Variants in JAKMIP2 observed in about 807,000 individuals in gnomAD.
The protein encoded by JAKMIP2 is janus kinase and microtubule interacting protein 2, also known as janus kinase and microtubule-interacting protein 2.
JAKMIP2 carries 25 observed loss-of-function variants against 115.0 expected under a neutral mutation model. The ratio of observed to expected loss-of-function variants is 0.22; its 90% CI spans 0.16 to 0.30. The LOEUF (loss-of-function observed/expected upper bound fraction) is 0.30. Among genes scored for constraint, JAKMIP2 ranks in the 10% least tolerant of loss-of-function variants. JAKMIP2 has a pLI of 1.00. For synonymous variants in JAKMIP2, 334 were observed against 343.6 expected, an observed-to-expected ratio of 0.97 and a Z score of 0.31; for missense variants, 642 against 957.6, an observed-to-expected ratio of 0.67 and a Z score of 4.35.
intron 1 of JAKMIP2, among the ~76,000 whole-genome samples, chr5:147,672,700 A>G (rs1759684773): frequency 6.6e-6 from 1 of 152,230 alleles, no homozygotes; most frequent in African/African-American, 2.4e-5. Context: ...TGGGTTGAAT[A>G]AGAAAGGCTC....
At chr5:147,632,893 A>G (rs969202352) in intron 12 of JAKMIP2, 115 bp from the exon 13 acceptor site, 1 of 636,244 alleles carries the variant, frequency 1.6e-6, no homozygotes, top group Non-Finnish European at 2.8e-6. Context: ...CATGAAAAAA[A>G]ATCCCCAAAT....
intron 1 of JAKMIP2, among the ~76,000 whole-genome samples, chr5:147,696,308 G>A (rs955782905): frequency 1.3e-5 from 2 of 152,102 alleles, no homozygotes; most frequent in African/African-American, 4.8e-5. Flanking sequence ...ATTGGATCAT[G>A]GGACAGTTTC....
chr5:147,722,060 A>G (rs1201125091), intron 1 of JAKMIP2, among the ~76,000 whole-genome samples: 2 of 152,148 alleles, frequency 1.3e-5, no homozygotes, highest in Non-Finnish European at 2.9e-5. Flanking sequence ...TTCATAAATA[A>G]TTTACAATAC....
rs892505021 is a variant in JAKMIP2, at chr5:147,754,725, A to G, written c.-149+27731T>C. On this transcript the variant is annotated intron_variant, in intron 1 of 21. Coordinates refer to ENST00000616793, the MANE Select transcript of JAKMIP2 (RefSeq NM_001270941.2). The stretch of plus-strand genomic sequence containing the variant: ...TTTTCAGTCTCCACTTTTCATATTA[A>G]GAAAGTGAGGCCCAGAAAGGTGAAG... 5.9e-5 allele frequency among the ~76,000 whole-genome samples: 9 copies of G among 152,324 alleles called. No individual in the cohort carries two copies. In the East Asian group the frequency reaches 1.7e-3, roughly 29 times the overall value.
rs776494724 is a variant in JAKMIP2, at chr5:147,636,979, C to T, written c.1600G>A (p.Ala534Thr). ...CAAATGCCTACCTGCCCTTTCTGAGCCAGAGTCGCTTCCAGGTCTTCAATT... is the reference window on the plus strand; with the variant it reads ...CAAATGCCTACCTGCCCTTTCTGAGTCAGAGTCGCTTCCAGGTCTTCAATT... ...AKIEDLEATL[A>T]QKGQDSHWVE... is the part of the protein sequence containing the mutation. Residue 534 changes from alanine (A) to threonine (T), a missense_variant, in exon 11 of 22, where the codon GCT becomes ACT. Physicochemically the swap from Ala to Thr is moderately conservative, Grantham distance 58 (BLOSUM62 0). Around this residue, in one of 6 missense-constraint regions of JAKMIP2, gnomAD observed 103 missense variants for 177.6 expected, o/e 0.58. Coordinates refer to ENST00000616793, the MANE Select transcript of JAKMIP2 (RefSeq NM_001270941.2). The T allele has an allele frequency of 5.7e-6, 5 of 872,918 alleles. No individual in the cohort carries two copies. Among genetic ancestry groups the T allele is most frequent in the Admixed American group, 1.7e-5 (1 of 59,190 alleles). 54.1% of individuals were successfully genotyped at this position (872,918 alleles called of 1,614,324 possible). A position where few individuals can be genotyped will look rare whatever the true frequency, so the allele number is the denominator to read the frequency against.
intron 16 of JAKMIP2, among the ~76,000 whole-genome samples, chr5:147,625,703 A>G (rs1034675534): frequency 1.2e-4 from 18 of 152,182 alleles, no homozygotes; most frequent in Non-Finnish European, 2.5e-4. Flanking sequence ...GTAATCCAGG[A>G]CAAGTTACTG....
chr5:147,645,059 AG>A, intron 5 of JAKMIP2, 63 bp from the exon 6 acceptor site: 3 of 1,528,350 alleles, frequency 2.0e-6, no homozygotes, highest in Non-Finnish European at 2.7e-6. Context: ...AGGGGAGTAA[AG>A]TGGTGGGAGT....
At chr5:147,619,372 A>C (rs1169119904) in intron 18 of JAKMIP2, among the ~76,000 whole-genome samples, 1 of 152,170 alleles carries the variant, frequency 6.6e-6, no homozygotes, top group Non-Finnish European at 1.5e-5. Context: ...TCTAATTAGC[A>C]TCAAATACCC....
At chr5:147,651,972 T>C (rs1404691853) in intron 3 of JAKMIP2, among the ~76,000 whole-genome samples, 1 of 152,170 alleles carries the variant, frequency 6.6e-6, no homozygotes, top group Non-Finnish European at 1.5e-5. Context: ...TTTTCATGAG[T>C]TGACATAGCT....
intron 3 of JAKMIP2, chr5:147,660,503 T>C: frequency 2.2e-6 from 1 of 454,840 alleles, no homozygotes; most frequent in Non-Finnish European, 4.4e-6. Context: ...GCTGCTGTTT[T>C]CAGACATCAT....
At chr5:147,600,645 C>G (rs1000753661) in intron 21 of JAKMIP2, among the ~76,000 whole-genome samples, 9 of 152,012 alleles carry the variant, frequency 5.9e-5, no homozygotes, top group African/African-American at 2.2e-4. Flanking sequence ...CCTATTTGGC[C>G]GGCCATCAGA....
chr5:147,586,206 A>G lies in JAKMIP2; in HGVS notation c.*5501T>C, dbSNP rs1052197960. 1.3e-5 allele frequency: 2 copies of G among 151,882 alleles called. No homozygotes were observed. Among genetic ancestry groups the G allele is most frequent in the East Asian group, 1.9e-4 (1 of 5,174 alleles). The allele number at this position is 151,882 out of a possible 1,614,324, so 9.4% of individuals were successfully genotyped here. ...CAGAAGCAGCAGCAGCGCAGAAAAA[A>G]CCTTTCTTGAAGTCCTGCATCCTAG... is the stretch of plus-strand genomic sequence containing the variant. On this transcript the variant is annotated 3_prime_UTR_variant, in exon 22 of 22. Coordinates refer to ENST00000616793, the MANE Select transcript of JAKMIP2 (RefSeq NM_001270941.2).
At chr5:147,652,807 G>C (rs538327221) in intron 3 of JAKMIP2, among the ~76,000 whole-genome samples, 1 of 152,036 alleles carries the variant, frequency 6.6e-6, no homozygotes, top group Non-Finnish European at 1.5e-5. Flanking sequence ...CGGTCCTCTA[G>C]GTTTTAAGCC....
chr5:147,675,764 A>G (rs1406966999), intron 1 of JAKMIP2, among the ~76,000 whole-genome samples: 1 of 144,408 alleles, frequency 6.9e-6, no homozygotes, highest in Admixed American at 7.0e-5. Context: ...GACATTTTGT[A>G]TAAGTGGAAT....
intron 3 of JAKMIP2, among the ~76,000 whole-genome samples, chr5:147,655,663 T>C (rs2126763842): frequency 6.6e-6 from 1 of 152,286 alleles, no homozygotes; most frequent in South Asian, 2.1e-4. Flanking sequence ...TTCATTGATT[T>C]TTTGAAGGGT....
At chr5:147,754,001 C>T (rs1754655316) in intron 1 of JAKMIP2, among the ~76,000 whole-genome samples, 1 of 152,122 alleles carries the variant, frequency 6.6e-6, no homozygotes, top group Non-Finnish European at 1.5e-5. Flanking sequence ...ACACTGACAT[C>T]ACTGACATCA....
At chr5:147,636,340 G>A in intron 11 of JAKMIP2, 56 bp from the exon 12 acceptor site, 1 of 1,463,698 alleles carries the variant, frequency 6.8e-7, no homozygotes, top group Non-Finnish European at 9.5e-7. Context: ...GAAAGAGCCT[G>A]TGTTGTCAAA....
rs563240487 is a variant in JAKMIP2 at position 147,593,881 on chromosome 5, T to G, written c.*21-2195A>C. Among the ~76,000 whole-genome samples, 11 of 152,308 alleles carry G rather than the reference T, an allele frequency of 7.2e-5. No individual in the cohort carries two copies. In the South Asian group the frequency reaches 2.3e-3, roughly 32 times the overall value. On this transcript the variant is annotated intron_variant, in intron 21 of 21. Transcript: ENST00000616793. ...ATGTATATAAAAAATTCTTCAGGGATGTATTTTTGTTTGTGTGTTTTTAAA... is the reference window on the plus strand; with the variant it reads ...ATGTATATAAAAAATTCTTCAGGGAGGTATTTTTGTTTGTGTGTTTTTAAA...
At chr5:147,636,816 G>A in intron 11 of JAKMIP2, 149 bp downstream of exon 11, 2 of 753,488 alleles carry the variant, frequency 2.7e-6, no homozygotes, top group Non-Finnish European at 4.8e-6. Flanking sequence ...AGAGACAGAA[G>A]TACAGAGTTG....
Sources: allele counts gnomAD v4.1 joint callset (sites outside exome capture counted in the v4.1 genomes callset), GRCh38; gene constraint gnomAD v4.1.1; regional missense constraint gnomAD v4.1.1; transcripts MANE v1.5; gene names NCBI Gene and HGNC (gene_info 2026-07-23, HGNC 2026-07-21).